GREB1L: variants seen among roughly 807,000 people sequenced by gnomAD.
The protein encoded by GREB1L is GREB1 like retinoic acid receptor coactivator.
Under a neutral mutation model 200.8 loss-of-function variants are expected in GREB1L, and 17 were observed. That is an observed-to-expected ratio of 0.08 (90% confidence interval 0.06 to 0.13). GREB1L has a LOEUF of 0.13. GREB1L is among the 10% of genes least tolerant of loss of function. The pLI is 1.00. For synonymous variants in GREB1L, 789 were observed against 893.0 expected (o/e 0.88, Z 2.08); for missense variants, 1,657 against 2,367.7 (o/e 0.70, Z 6.23).
At position 21,460,284 on chromosome 18, in the gene GREB1L, T is replaced by C. The variant is rs1365793497; in HGVS notation, c.2182+5721T>C. 3.3e-5 allele frequency among the ~76,000 whole-genome samples: 5 copies of C among 151,992 alleles called. No individual in the cohort carries two copies. In the East Asian group the frequency reaches 7.7e-4, roughly 23 times the overall value. On this transcript the variant is annotated intron_variant, in intron 15 of 32. Transcript: ENST00000424526. ...CCACCTCCCAGGTTCAAGCAATTCT[T>C]CTACCTCAGCCTCCCGAGTAGCTGG...
At chr18:21,318,764 G>A (rs2038909521) in intron 1 of GREB1L, among the ~76,000 whole-genome samples, 1 of 152,144 alleles carries the variant, frequency 6.6e-6, no homozygotes, top group Admixed American at 6.6e-5. Context: ...GGAGTCACCA[G>A]GGCTCTCCTT....
At chr18:21,488,893 G>C (rs1230457106) in intron 18 of GREB1L, among the ~76,000 whole-genome samples, 1 of 152,182 alleles carries the variant, frequency 6.6e-6, no homozygotes. Flanking sequence ...CTGATCTCAA[G>C]TGATCCACCC....
At chr18:21,324,663 A>G (rs1191679948) in intron 1 of GREB1L, among the ~76,000 whole-genome samples, 2 of 152,158 alleles carry the variant, frequency 1.3e-5, no homozygotes, top group Non-Finnish European at 2.9e-5. Flanking sequence ...ACAAAAAATT[A>G]GCCAGGCATG....
chr18:21,249,129 C>G (rs2037656324), intron 1 of GREB1L, among the ~76,000 whole-genome samples: 1 of 151,924 alleles, frequency 6.6e-6, no homozygotes, highest in Non-Finnish European at 1.5e-5. Flanking sequence ...GAAACTATTT[C>G]TATTGTAGAA....
intron 15 of GREB1L, among the ~76,000 whole-genome samples, chr18:21,467,543 C>T (rs1261641258): frequency 6.6e-6 from 1 of 152,130 alleles, no homozygotes; most frequent in East Asian, 1.9e-4. Flanking sequence ...CAATGAGAGA[C>T]TGCTACACAC....
At chr18:21,308,672 C>G (rs2038741878) in intron 1 of GREB1L, among the ~76,000 whole-genome samples, 2 of 152,180 alleles carry the variant, frequency 1.3e-5, no homozygotes, top group African/African-American at 4.8e-5. Context: ...TGGGTCATAC[C>G]ACCAGTTTTG....
At chr18:21,508,088 G>A (rs762401152) in intron 25 of GREB1L, 30 bp from the exon 26 acceptor site, 149 of 1,547,454 alleles carry the variant, frequency 9.6e-5, no homozygotes, top group East Asian at 2.7e-4. Context: ...GCTTACTTAC[G>A]TTCCCTCCCT....
chr18:21,373,809 T>C (rs1409998976), intron 2 of GREB1L, among the ~76,000 whole-genome samples: 4 of 152,202 alleles, frequency 2.6e-5, no homozygotes, highest in Non-Finnish European at 5.9e-5. Flanking sequence ...TTTTCCTGCT[T>C]GTAGTGCTTT....
At chr18:21,307,198 C>A (rs537207683) in intron 1 of GREB1L, among the ~76,000 whole-genome samples, 1 of 152,174 alleles carries the variant, frequency 6.6e-6, no homozygotes, top group Non-Finnish European at 1.5e-5. Context: ...GTTCCAATGG[C>A]AAGTACCCAA....
In GREB1L at chr18:21,525,526, G is replaced by A. The variant is rs2037670591; in HGVS notation, c.*2705G>A. On this transcript the variant is annotated 3_prime_UTR_variant, in exon 33 of 33. Transcript: ENST00000424526. ...CTGGAAGTCAGTCACATTATAGGTT[G>A]GACAACCAAGATTAAAGAGGTGTTG... is the stretch of plus-strand genomic sequence containing the variant. 6.6e-6 allele frequency: 1 copy of A among 151,910 alleles called. No homozygotes were observed. The highest frequency in any genetic ancestry group is 1.5e-5 in the Non-Finnish European group (1 of 67,996). The allele number at this position is 151,910 out of a possible 1,614,324, so 9.4% of individuals were successfully genotyped here.
At chr18:21,298,175 C>T (rs1052219538) in intron 1 of GREB1L, among the ~76,000 whole-genome samples, 4 of 152,048 alleles carry the variant, frequency 2.6e-5, no homozygotes, top group African/African-American at 4.8e-5. Flanking sequence ...TTCTTCAGGG[C>T]CAAGCTAGAA....
chr18:21,282,132 CA>C (rs1167595835), intron 1 of GREB1L, among the ~76,000 whole-genome samples: 2 of 152,052 alleles, frequency 1.3e-5, no homozygotes, highest in East Asian at 1.9e-4. Context: ...AAAAAGAAGC[CA>C]GGGGTGGTGG....
intron 1 of GREB1L, among the ~76,000 whole-genome samples, chr18:21,325,850 G>A (rs2039015510): frequency 7.3e-6 from 1 of 137,014 alleles, no homozygotes; most frequent in Admixed American, 7.4e-5. Flanking sequence ...AAAGTCCCAT[G>A]TCCCAGACTA....
At chr18:21,319,830 T>G (rs191225735) in intron 1 of GREB1L, among the ~76,000 whole-genome samples, 1 of 152,174 alleles carries the variant, frequency 6.6e-6, no homozygotes, top group African/African-American at 2.4e-5. Flanking sequence ...TTTTTAGTTA[T>G]GAACATTGAG....
chr18:21,496,669 G>T lies in GREB1L; in HGVS notation c.3362G>T (p.Ser1121Ile). Residue 1121 changes from serine to isoleucine, a missense_variant, in exon 21 of 33, where the codon AGC (serine) becomes ATC (isoleucine). Ser to Ile is a moderately radical substitution (Grantham distance 142). This residue lies in a region of GREB1L where 512 missense variants were observed against 668.3 expected (regional missense o/e 0.77). Transcript: ENST00000424526. ...CTCATCGACCTGGAGCGGCCCCAGAGCAACAGCAGCGCTGTCACAGGGACC... is the reference window on the plus strand; with the variant it reads ...CTCATCGACCTGGAGCGGCCCCAGATCAACAGCAGCGCTGTCACAGGGACC... ...ELLIDLERPQSNSSAVTGTSG... is the reference protein window; with the variant it reads ...ELLIDLERPQINSSAVTGTSG... 6.4e-7 allele frequency: 1 copy of T among 1,551,592 alleles called. No homozygotes were observed. Among genetic ancestry groups the T allele is most frequent in the Non-Finnish European group, 8.7e-7 (1 of 1,146,998 alleles).
At chr18:21,261,799 C>T (rs2037894334) in intron 1 of GREB1L, among the ~76,000 whole-genome samples, 1 of 151,960 alleles carries the variant, frequency 6.6e-6, no homozygotes, top group African/African-American at 2.4e-5. Context: ...CAAGCAACCC[C>T]TATAGAGTCA....
At chr18:21,417,162 G>A (rs1377898160) in intron 7 of GREB1L, among the ~76,000 whole-genome samples, 1 of 152,128 alleles carries the variant, frequency 6.6e-6, no homozygotes, top group Admixed American at 6.5e-5. Context: ...ATTTCTCATG[G>A]GAAACAATAT....
At chr18:21,308,481 G>A (rs1036261086) in intron 1 of GREB1L, among the ~76,000 whole-genome samples, 4 of 152,192 alleles carry the variant, frequency 2.6e-5, no homozygotes, top group Non-Finnish European at 5.9e-5. Flanking sequence ...AACAATAGCT[G>A]AGAGTATCAT....
At chr18:21,264,045 C>A (rs1353828899) in intron 1 of GREB1L, among the ~76,000 whole-genome samples, 1 of 152,126 alleles carries the variant, frequency 6.6e-6, no homozygotes, top group East Asian at 1.9e-4. Context: ...TTCTCTGAAA[C>A]CACTGATAAC....
Sources: gnomAD v4.1 joint callset for allele counts (sites outside exome capture counted in the v4.1 genomes callset) on GRCh38, gnomAD v4.1.1 for gene constraint, gnomAD v4.1.1 regional missense constraint, MANE v1.5 for transcripts, NCBI Gene and HGNC (gene_info 2026-07-23, HGNC 2026-07-21) for gene names.